WDPCP: variants seen among roughly 807,000 people sequenced by gnomAD.
WDPCP encodes the protein WD repeat containing planar cell polarity effector.
A neutral mutation model predicts 93.1 loss-of-function variants in WDPCP; 71 were observed. The observed-to-expected ratio is 0.76, with a 90% CI of 0.63 to 0.93. The LOEUF (loss-of-function observed/expected upper bound fraction) is 0.93, where lower values mean the gene tolerates loss of function less well. Ranked by LOEUF, WDPCP falls within the 40% of genes least tolerant of loss-of-function variation. The probability of loss-of-function intolerance (pLI) is 0.00; values close to 1 mark genes in which losing one functional copy is unlikely to be tolerated. For missense variants in WDPCP, 844 were observed against 887.4 expected (o/e 0.95, Z 0.62); for synonymous variants, 315 against 315.0 (o/e 1.00, Z 0.00).
chr2:63,262,274 TACCA>T (rs1416765427), intron 13 of WDPCP, among the ~76,000 whole-genome samples: 1 of 152,060 alleles, frequency 6.6e-6, no homozygotes, highest in East Asian at 1.9e-4. Context: ...GAGAAGACAT[TACCA>T]ACCATTACTA....
chr2:63,733,293 G>GGGTTCACGCCAT (rs1172217822), intron 2 of WDPCP, among the ~76,000 whole-genome samples: 5 of 143,818 alleles, frequency 3.5e-5, no homozygotes, highest in Non-Finnish European at 7.6e-5. Flanking sequence ...TCCGCTTCCC[G>GGGTTCACGCCAT]GGTTCACGCC....
At chr2:63,731,037 G>T (rs1027727389) in intron 2 of WDPCP, among the ~76,000 whole-genome samples, 1 of 152,078 alleles carries the variant, frequency 6.6e-6, no homozygotes, top group Non-Finnish European at 1.5e-5. Flanking sequence ...TTGGGAGGCC[G>T]AGGCGGGCGG....
intron 1 of WDPCP, among the ~76,000 whole-genome samples, chr2:63,545,465 A>T (rs1473802516): frequency 6.6e-6 from 1 of 152,104 alleles, no homozygotes; most frequent in Non-Finnish European, 1.5e-5. Context: ...TAAACTGCAA[A>T]GGTATGCAAT....
At chr2:63,529,136 A>G (rs1335918851) in intron 1 of WDPCP, among the ~76,000 whole-genome samples, 6 of 152,092 alleles carry the variant, frequency 3.9e-5, no homozygotes, top group Admixed American at 3.3e-4. Flanking sequence ...GGGTTTTCTA[A>G]ATATACAATC....
chr2:63,583,001 C>T (rs1708592700), intron 1 of WDPCP, among the ~76,000 whole-genome samples: 1 of 151,964 alleles, frequency 6.6e-6, no homozygotes, highest in Non-Finnish European at 1.5e-5. Flanking sequence ...AAAATAGTAA[C>T]CATATTGATG....
chr2:63,255,754 G>A (rs1285317643), intron 14 of WDPCP, among the ~76,000 whole-genome samples: 1 of 152,092 alleles, frequency 6.6e-6, no homozygotes, highest in Non-Finnish European at 1.5e-5. Flanking sequence ...GCAATGCAAA[G>A]AGACTAACAC....
chr2:63,404,058 C>CA lies in WDPCP; in HGVS notation c.1424dup (p.Leu475PhefsTer3). 1 of 1,614,054 alleles carries CA rather than the reference C, an allele frequency of 6.2e-7. No homozygotes were observed. Among genetic ancestry groups the CA allele is most frequent in the Non-Finnish European group, 8.5e-7 (1 of 1,179,966 alleles). ...CTTTCCTTGACTTACCTAGTTTAAA[C>CA]AACAGCACACCCAAAGGTCCTCTTT... On this transcript the variant is annotated frameshift_variant, in exon 10 of 18. Transcript: ENST00000272321. LOFTEE classifies it high-confidence loss of function.
intron 2 of WDPCP, chr2:63,751,570 T>A (rs556142279): frequency 1.7e-5 from 7 of 411,162 alleles, no homozygotes; most frequent in African/African-American, 8.4e-5. Context: ...TCTTTTTTTT[T>A]ATAGCAGCTA....
chr2:63,380,742 C>T (rs867545724), intron 11 of WDPCP, among the ~76,000 whole-genome samples: 7 of 151,882 alleles, frequency 4.6e-5, no homozygotes, highest in Non-Finnish European at 1.0e-4. Context: ...AGAAAAATAT[C>T]GGAATTTCCC....
chr2:63,373,594 A>C (rs547124874), intron 12 of WDPCP, among the ~76,000 whole-genome samples: 98 of 151,878 alleles, frequency 6.5e-4, no homozygotes, highest in African/African-American at 2.3e-3. Context: ...AAAAAAAAAA[A>C]AACTGAGGAA....
intron 1 of WDPCP, among the ~76,000 whole-genome samples, chr2:63,821,942 A>T (rs1671024718): frequency 6.6e-6 from 1 of 152,168 alleles, no homozygotes; most frequent in African/African-American, 2.4e-5. Flanking sequence ...ATAAGACTAA[A>T]ATATGAACCA....
At chr2:63,306,499 C>T (rs1038144171) in intron 13 of WDPCP, among the ~76,000 whole-genome samples, 3 of 152,180 alleles carry the variant, frequency 2.0e-5, no homozygotes, top group Non-Finnish European at 2.9e-5. Flanking sequence ...CAATAAAATA[C>T]TCGCAAACTG....
intron 1 of WDPCP, among the ~76,000 whole-genome samples, chr2:63,537,268 A>G (rs1704359683): frequency 6.6e-6 from 1 of 152,176 alleles, no homozygotes; most frequent in African/African-American, 2.4e-5. Flanking sequence ...AAATACATCT[A>G]GTTTTCTTCA....
At chr2:63,238,775 G>A (rs1017725524) in intron 14 of WDPCP, among the ~76,000 whole-genome samples, 17 of 152,136 alleles carry the variant, frequency 1.1e-4, no homozygotes, top group African/African-American at 3.9e-4. Context: ...GAATAGGGGA[G>A]TAATAGGTCT....
chr2:63,128,726 T>C (rs1670090723), intron 17 of WDPCP, among the ~76,000 whole-genome samples: 1 of 152,218 alleles, frequency 6.6e-6, no homozygotes, highest in Admixed American at 6.5e-5. Context: ...CGGAGTGCAG[T>C]GGCGCAATCT....
At chr2:63,573,527 G>C (rs538191421) in intron 1 of WDPCP, among the ~76,000 whole-genome samples, 1 of 152,164 alleles carries the variant, frequency 6.6e-6, no homozygotes, top group African/African-American at 2.4e-5. Context: ...TCCTATGCCC[G>C]TTTTTACTTT....
intron 14 of WDPCP, among the ~76,000 whole-genome samples, chr2:63,212,521 T>G (rs1477753339): frequency 1.3e-5 from 2 of 152,086 alleles, no homozygotes; most frequent in Non-Finnish European, 2.9e-5. Context: ...ACATGCCAAA[T>G]TGTAAAGACC....
chr2:63,712,952 G>A (rs538857337), intron 2 of WDPCP, among the ~76,000 whole-genome samples: 7 of 152,178 alleles, frequency 4.6e-5, no homozygotes, highest in Non-Finnish European at 7.3e-5. Context: ...CAGTGGATTA[G>A]CAGCCAAGGA....
At chr2:63,211,870 T>C (rs146581216) in intron 14 of WDPCP, among the ~76,000 whole-genome samples, 7,068 of 152,222 alleles carry the variant, frequency 0.046, 239 homozygotes, top group Middle Eastern at 0.092. Flanking sequence ...AGGGTATCAG[T>C]GATTGAAGAT....
Sources: allele counts gnomAD v4.1 joint callset (sites outside exome capture counted in the v4.1 genomes callset), GRCh38; gene constraint gnomAD v4.1.1; transcripts MANE v1.5; gene names NCBI Gene and HGNC (gene_info 2026-07-23, HGNC 2026-07-21).